The following RBFOX3 variants were observed in gnomAD, a reference collection of about 807,000 sequenced individuals.
The protein encoded by RBFOX3 is RNA binding fox-1 homolog 3, also known as RNA binding protein fox-1 homolog 3.
RBFOX3 carries 17 observed loss-of-function variants against 48.7 expected under a neutral mutation model. That is an observed-to-expected ratio of 0.35 (90% confidence interval 0.24 to 0.52). The LOEUF is 0.52. Ranked by LOEUF, RBFOX3 falls within the 20% of genes least tolerant of loss-of-function variation. The probability of loss-of-function intolerance (pLI) is 0.94; values close to 1 mark genes in which losing one functional copy is unlikely to be tolerated. For missense variants in RBFOX3, 382 were observed against 497.5 expected (o/e 0.77, Z 2.21); for synonymous variants, 212 against 209.5 (o/e 1.01, Z -0.10).
upstream of RBFOX3, among the ~76,000 whole-genome samples, chr17:79,615,612 C>T (rs973097934): frequency 9.2e-5 from 14 of 152,180 alleles, no homozygotes; most frequent in African/African-American, 3.4e-4. Flanking sequence ...CCTCTGTGCC[C>T]GGCCGGCTCG....
chr17:79,362,356 C>T lies in RBFOX3; in HGVS notation c.-174-54532G>A, dbSNP rs1013876145. ...ATCCCCGGCCAGCGTCTGCGTAGGA[C>T]GGTGGGAGAGGCTGAGTGCAGCGTC... On this transcript the variant is annotated intron_variant, in intron 2 of 14. Coordinates refer to ENST00000693108, the MANE Select transcript of RBFOX3 (RefSeq NM_001350451.2). The surrounding 1 kb of genome is among the most constrained non-coding windows in gnomAD (Gnocchi z 4.2). Among the ~76,000 whole-genome samples the T allele has an allele frequency of 3.3e-5, 5 of 151,784 alleles. No homozygotes were observed. Among genetic ancestry groups the T allele is most frequent in the Admixed American group, 6.6e-5 (1 of 15,246 alleles).
At chr17:79,379,482 T>C (rs1008354517) in intron 2 of RBFOX3, among the ~76,000 whole-genome samples, 4 of 152,172 alleles carry the variant, frequency 2.6e-5, no homozygotes, top group African/African-American at 4.8e-5. Context: ...TTCACACCTT[T>C]CTCAATGTCC....
chr17:79,104,507 C>T (rs1038489022), intron 6 of RBFOX3, among the ~76,000 whole-genome samples: 7 of 151,972 alleles, frequency 4.6e-5, no homozygotes, highest in Non-Finnish European at 7.4e-5. Context: ...ACCAGTGTCC[C>T]CTCCTCACCC....
rs1420477367 is a variant in RBFOX3, at chr17:79,479,693, T to C, written c.-175+2761A>G. Among the ~76,000 whole-genome samples the C allele has an allele frequency of 6.6e-6, 1 of 152,184 alleles. No individual in the cohort carries two copies. Among genetic ancestry groups the C allele is most frequent in the African/African-American group, 2.4e-5 (1 of 41,446 alleles). ...TGGGCTGGTCTTGTACTTTCACTGT[T>C]GATGACCCCGAGGATTTACCTATTT... On this transcript the variant is annotated intron_variant, in intron 2 of 14. Transcript: ENST00000693108. This position sits in a 1 kb window ranked among gnomAD's most constrained non-coding sequence, Gnocchi z 5.1.
chr17:79,159,225 G>T (rs951710185), intron 4 of RBFOX3, among the ~76,000 whole-genome samples: 1 of 152,318 alleles, frequency 6.6e-6, no homozygotes, highest in South Asian at 2.1e-4. Context: ...GAGCTGACCT[G>T]GGGGTGCCCA....
At chr17:79,641,231 A>G in the RBFOX3 span, among the ~76,000 whole-genome samples, 1 of 152,214 alleles carries the variant, frequency 6.6e-6, no homozygotes, top group Admixed American at 6.5e-5. Context: ...AGAGAAATGC[A>G]AAGCAAAACC....
Position 79,481,362 on chromosome 17 carries a change from T to C in RBFOX3, c.-175+1092A>G, listed in dbSNP as rs1238648042. On this transcript the variant is annotated intron_variant, in intron 2 of 14. Transcript: ENST00000693108. This position sits in a 1 kb window ranked among gnomAD's most constrained non-coding sequence, Gnocchi z 5.4. ...GGGAATGGGGCTGCACTGAACCTCA[T>C]GGGGGTTTAAGAAAGAATTCACCTG... Among the ~76,000 whole-genome samples, 1 of 152,132 alleles carries C rather than the reference T, an allele frequency of 6.6e-6. No homozygotes were observed. Among genetic ancestry groups the C allele is most frequent in the African/African-American group, 2.4e-5 (1 of 41,442 alleles).
At chr17:79,302,603 C>T (rs1333199548) in intron 3 of RBFOX3, among the ~76,000 whole-genome samples, 2 of 152,002 alleles carry the variant, frequency 1.3e-5, no homozygotes, top group African/African-American at 4.8e-5. Flanking sequence ...ATCAGTTGAA[C>T]CTGGGATTGC....
intron 3 of RBFOX3, among the ~76,000 whole-genome samples, chr17:79,306,617 T>G (rs962127640): frequency 6.6e-6 from 1 of 152,054 alleles, no homozygotes; most frequent in Non-Finnish European, 1.5e-5. Context: ...CTTCCTCCCT[T>G]TCCCTTCCAT....
intron 1 of RBFOX3, among the ~76,000 whole-genome samples, chr17:79,516,890 G>T (rs2085318786): frequency 6.6e-6 from 1 of 152,090 alleles, no homozygotes; most frequent in Non-Finnish European, 1.5e-5. Flanking sequence ...CAAAAGGTCG[G>T]ATGTCGTACA....
the RBFOX3 span, among the ~76,000 whole-genome samples, chr17:79,628,795 G>A: frequency 6.6e-6 from 1 of 151,974 alleles, no homozygotes. Flanking sequence ...TCTATTTGAT[G>A]ATAAATAGAC....
chr17:79,372,332 T>A lies in RBFOX3; in HGVS notation c.-174-64508A>T, dbSNP rs1238187566. Reference sequence around the variant, plus strand: ...ACCCCCCCCTGTCAAATCCCCCCCATCCTATGTCTCCTCCCAGGTCCTACA... The same window carrying A: ...ACCCCCCCCTGTCAAATCCCCCCCAACCTATGTCTCCTCCCAGGTCCTACA... On this transcript the variant is annotated intron_variant, in intron 2 of 14. Coordinates refer to ENST00000693108, the MANE Select transcript of RBFOX3 (RefSeq NM_001350451.2). Among the ~76,000 whole-genome samples the A allele has an allele frequency of 5.9e-5, 5 of 84,580 alleles. No homozygotes were observed. In the Admixed American group the frequency reaches 7.6e-4, roughly 13 times the overall value. The allele number at this position is 84,580 out of a possible 152,430, so 55.5% of individuals were successfully genotyped here.
intron 1 of RBFOX3, among the ~76,000 whole-genome samples, chr17:79,562,068 C>T (rs891652424): frequency 2.9e-4 from 44 of 152,356 alleles, no homozygotes; most frequent in Non-Finnish European, 4.7e-4. Context: ...AAGGGGCAGA[C>T]CAGTACGTCT....
chr17:79,190,424 A>AAC (rs2054248405), intron 4 of RBFOX3, among the ~76,000 whole-genome samples: 1 of 109,474 alleles, frequency 9.1e-6, no homozygotes, highest in South Asian at 2.8e-4. Flanking sequence ...CAAAAAAAAA[A>AAC]AAAAAAACAA....
chr17:79,164,642 G>C (rs937459714), intron 4 of RBFOX3, among the ~76,000 whole-genome samples: 2 of 152,196 alleles, frequency 1.3e-5, no homozygotes, highest in Non-Finnish European at 2.9e-5. Context: ...AAAAGTGCAC[G>C]CATTCCTCGG....
At chr17:79,583,153 T>C (rs1293839129) in intron 1 of RBFOX3, among the ~76,000 whole-genome samples, 1 of 152,212 alleles carries the variant, frequency 6.6e-6, no homozygotes, top group Non-Finnish European at 1.5e-5. Flanking sequence ...TGCTGGGGAC[T>C]GGGCAGTGTG....
At chr17:79,450,102 G>A (rs1352759864) in intron 2 of RBFOX3, among the ~76,000 whole-genome samples, 1 of 152,160 alleles carries the variant, frequency 6.6e-6, no homozygotes, top group Non-Finnish European at 1.5e-5. Context: ...ACACACACAT[G>A]CACACGCATG....
the RBFOX3 span, among the ~76,000 whole-genome samples, chr17:79,660,448 A>G: frequency 6.6e-6 from 1 of 152,250 alleles, no homozygotes; most frequent in East Asian, 1.9e-4. Flanking sequence ...AAACACATTT[A>G]CAAGAAAAAA....
intron 4 of RBFOX3, among the ~76,000 whole-genome samples, chr17:79,229,202 C>T (rs2147707764): frequency 7.6e-6 from 1 of 130,752 alleles, no homozygotes; most frequent in South Asian, 2.6e-4. Flanking sequence ...GCACTCCAGC[C>T]TGGGTGACAG....
Sources: gnomAD v4.1 joint callset for allele counts (sites outside exome capture counted in the v4.1 genomes callset) on GRCh38, gnomAD v4.1.1 for gene constraint, Gnocchi (gnomAD v3.1) non-coding constraint, MANE v1.5 for transcripts, NCBI Gene and HGNC (gene_info 2026-07-23, HGNC 2026-07-21) for gene names.